RASSF5: variants seen among roughly 807,000 people sequenced by gnomAD.
The protein encoded by RASSF5 is ras association domain-containing protein 5.
Under a neutral mutation model 40.5 loss-of-function variants are expected in RASSF5, and 25 were observed. That is an observed-to-expected ratio of 0.62 (90% confidence interval 0.45 to 0.86). RASSF5 has a LOEUF of 0.86. Ranked by LOEUF, RASSF5 falls within the 40% of genes least tolerant of loss-of-function variation. RASSF5 has a pLI of 0.00. For missense variants in RASSF5, 521 were observed against 572.8 expected (o/e 0.91, Z 0.92); for synonymous variants, 246 against 252.4 (o/e 0.97, Z 0.24).
At chr1:206,576,419 C>T (rs1301838018) in intron 2 of RASSF5, among the ~76,000 whole-genome samples, 7 of 152,280 alleles carry the variant, frequency 4.6e-5, no homozygotes, top group African/African-American at 1.7e-4. Context: ...CTCCTCATTG[C>T]AGAATGGAGT....
chr1:206,568,709 G>A (rs924081404), intron 2 of RASSF5, among the ~76,000 whole-genome samples: 5 of 152,180 alleles, frequency 3.3e-5, no homozygotes, highest in Non-Finnish European at 5.9e-5. Flanking sequence ...CTATAAACTG[G>A]ACTCCTAAAG....
At chr1:206,518,267 G>A in intron 1 of RASSF5, 1 of 395,998 alleles carries the variant, frequency 2.5e-6, no homozygotes, top group Admixed American at 4.4e-5. Context: ...ACCAGAGCCT[G>A]AGGGTCCAGG....
chr1:206,588,109 G>GCC lies in RASSF5; in HGVS notation c.*1132_*1133dup, dbSNP rs1669197705. The GCC allele has an allele frequency of 6.5e-6, 1 of 152,806 alleles. No homozygotes were observed. Among genetic ancestry groups the GCC allele is most frequent in the Non-Finnish European group, 1.5e-5 (1 of 68,064 alleles). 9.5% of individuals were successfully genotyped at this position (152,806 alleles called of 1,614,324 possible). A position where few individuals can be genotyped will look rare whatever the true frequency, so the allele number is the denominator to read the frequency against. On this transcript the variant is annotated 3_prime_UTR_variant, in exon 6 of 6. Transcript: ENST00000579436. Reference sequence around the variant, plus strand: ...TGCGCTCGGAGAGCCGGTGGGCCTGGCCTCCCCGTCGACCTCAGTGCCTTT... The same window carrying GCC: ...TGCGCTCGGAGAGCCGGTGGGCCTGGCCCCTCCCCGTCGACCTCAGTGCCTTT...
intron 2 of RASSF5, among the ~76,000 whole-genome samples, chr1:206,539,627 G>A (rs1667496806): frequency 6.6e-6 from 1 of 152,164 alleles, no homozygotes; most frequent in Non-Finnish European, 1.5e-5. Flanking sequence ...CACAGACGTT[G>A]GAATAGTAAC....
intron 2 of RASSF5, chr1:206,580,715 G>C (rs1553406117): frequency 1.3e-5 from 2 of 152,288 alleles, no homozygotes; most frequent in Non-Finnish European, 2.9e-5. Context: ...GAGATGGCCA[G>C]AGCTGCTTGC....
chr1:206,516,953 C>T (rs17046987), intron 1 of RASSF5, among the ~76,000 whole-genome samples: 77,095 of 151,898 alleles, frequency 0.51, 19,693 homozygotes, highest in South Asian at 0.66. Context: ...TTTCAGGACC[C>T]GGACTTGCTT....
chr1:206,575,687 A>T (rs992195660), intron 2 of RASSF5, among the ~76,000 whole-genome samples: 3 of 152,310 alleles, frequency 2.0e-5, no homozygotes, highest in Admixed American at 6.5e-5. Flanking sequence ...TTATGTGTAA[A>T]ATCTTAGTCC....
At chr1:206,565,804 A>G (rs1668273550) in intron 2 of RASSF5, among the ~76,000 whole-genome samples, 2 of 152,218 alleles carry the variant, frequency 1.3e-5, no homozygotes, top group Admixed American at 1.3e-4. Context: ...ACAGGCTGCC[A>G]GCAGACACAG....
At chr1:206,509,501 C>A (rs1197731836) in intron 1 of RASSF5, among the ~76,000 whole-genome samples, 1 of 152,212 alleles carries the variant, frequency 6.6e-6, no homozygotes, top group African/African-American at 2.4e-5. Context: ...ACAGTAGAAT[C>A]AAATGCAACT....
At position 206,531,546 on chromosome 1, in the gene RASSF5, G is replaced by A. The variant is rs1042481632; in HGVS notation, c.458-6626G>A. On this transcript the variant is annotated intron_variant, in intron 1 of 5. Coordinates refer to ENST00000579436, the MANE Select transcript of RASSF5 (RefSeq NM_182663.4). The surrounding 1 kb of genome is among the most constrained non-coding windows in gnomAD (Gnocchi z 4.7). ...CCCTGGGATGGTCTGTGCGCAGAGG[G>A]CGCTGGAGACCCTCTCTGGGTGTTC... Among the ~76,000 whole-genome samples, 2 of 152,184 alleles carry A rather than the reference G, an allele frequency of 1.3e-5. No homozygotes were observed. The highest frequency in any genetic ancestry group is 2.9e-5 in the Non-Finnish European group (2 of 68,034).
chr1:206,508,563 G>A (rs187258046), intron 1 of RASSF5, among the ~76,000 whole-genome samples: 85 of 152,268 alleles, frequency 5.6e-4, no homozygotes, highest in African/African-American at 2.0e-3. Context: ...CCTCCAGGGG[G>A]ACGTATTGGG....
At chr1:206,524,072 T>G (rs1354948947) in intron 1 of RASSF5, among the ~76,000 whole-genome samples, 1 of 129,198 alleles carries the variant, frequency 7.7e-6, no homozygotes, top group Admixed American at 8.8e-5. Flanking sequence ...ACATATATAA[T>G]ATATTTTATA....
Position 206,529,274 on chromosome 1 carries a change from C to T in RASSF5, c.458-8898C>T, listed in dbSNP as rs557139813. The stretch of plus-strand genomic sequence containing the variant: ...TGGCCCAGGCTGAGAAGAGAGCTGC[C>T]GGCAAAGGGGACGTCCCCACTAAGA... On this transcript the variant is annotated intron_variant, in intron 1 of 5. Transcript: ENST00000579436. 261 of 976,800 alleles carry T rather than the reference C, an allele frequency of 2.7e-4. No individual in the cohort carries two copies. The African/African-American group carries it at 3.5e-3, about 13-fold the overall frequency. The allele number at this position is 976,800 out of a possible 1,614,324, so 60.5% of individuals were successfully genotyped here.
At position 206,584,617 on chromosome 1, in the gene RASSF5, G is replaced by A. The variant is rs782249472; in HGVS notation, c.921G>A (p.Lys307=). ...TVSEVIQGLL[K]KFMVVDNPQK... ...GTGAGGTCATCCAGGGGCTGCTCAA[G>A]AAGTTCATGGTTGTGGACAATCCCC... is the stretch of plus-strand genomic sequence containing the variant. Residue 307 remains lysine, a synonymous_variant, in exon 4 of 6, where the codon AAG becomes AAA. Transcript: ENST00000579436. The surrounding 1 kb of genome is among the most constrained non-coding windows in gnomAD (Gnocchi z 4.9). 6.2e-7 allele frequency: 1 copy of A among 1,614,210 alleles called. No individual in the cohort carries two copies. Among genetic ancestry groups the A allele is most frequent in the East Asian group, 2.2e-5 (1 of 44,864 alleles).
At position 206,552,038 on chromosome 1, in the gene RASSF5, G is replaced by A. The variant is rs1416393625; in HGVS notation, c.579+13745G>A. ...CCCTGACATGAGTTCTTGAGGGTGT[G>A]GACAACTGGGGTAACTCAGCTATCT... On this transcript the variant is annotated intron_variant, in intron 2 of 5. Coordinates refer to ENST00000579436, the MANE Select transcript of RASSF5 (RefSeq NM_182663.4). The surrounding 1 kb of genome is among the most constrained non-coding windows in gnomAD (Gnocchi z 4.1). 6.6e-6 allele frequency among the ~76,000 whole-genome samples: 1 copy of A among 152,230 alleles called. No homozygotes were observed. Among genetic ancestry groups the A allele is most frequent in the Admixed American group, 6.5e-5 (1 of 15,286 alleles).
rs149864919 is a variant in RASSF5 at position 206,546,689 on chromosome 1, C to T, written c.579+8396C>T. 2.2e-4 allele frequency among the ~76,000 whole-genome samples: 34 copies of T among 152,330 alleles called. No homozygotes were observed. In the East Asian group the frequency reaches 3.1e-3, roughly 14 times the overall value. On this transcript the variant is annotated intron_variant, in intron 2 of 5. Coordinates refer to ENST00000579436, the MANE Select transcript of RASSF5 (RefSeq NM_182663.4). ...CATTTAATACACCTAACCTACCAAACAACATGGCTTACCCTAGCCTATCTT... is the reference window on the plus strand; with the variant it reads ...CATTTAATACACCTAACCTACCAAATAACATGGCTTACCCTAGCCTATCTT...
Position 206,533,360 on chromosome 1 carries a change from C to T in RASSF5, c.458-4812C>T, listed in dbSNP as rs558789590. On this transcript the variant is annotated intron_variant, in intron 1 of 5. Coordinates refer to ENST00000579436, the MANE Select transcript of RASSF5 (RefSeq NM_182663.4). ...TCTGGAGGAGGTTTCCACTAGAAAC[C>T]GCCATCTGTTTGGGCCTAAGGGCTC... is the stretch of plus-strand genomic sequence containing the variant. Among the ~76,000 whole-genome samples, 6 of 152,224 alleles carry T rather than the reference C, an allele frequency of 3.9e-5. No homozygotes were observed. In the East Asian group the frequency reaches 5.8e-4, roughly 15 times the overall value.
rs1669048190 is a variant in RASSF5 at position 206,584,894 on chromosome 1, C to T, written c.988+210C>T. 4.9e-6 allele frequency: 3 copies of T among 607,528 alleles called. No individual in the cohort carries two copies. The South Asian group carries it at 6.0e-5, about 12-fold the overall frequency. 37.6% of individuals were successfully genotyped at this position (607,528 alleles called of 1,614,324 possible). ...TCTGCATGTGACTTCAGGAAAACCA[C>T]ACCCTAGGCTCCCATTTCCTGATCT... On this transcript the variant is annotated intron_variant, in intron 4 of 5. Coordinates refer to ENST00000579436, the MANE Select transcript of RASSF5 (RefSeq NM_182663.4). This position sits in a 1 kb window ranked among gnomAD's most constrained non-coding sequence, Gnocchi z 4.9.
chr1:206,570,077 CCTTTTTTTTT>C (rs1348010144), intron 2 of RASSF5, among the ~76,000 whole-genome samples: 1 of 106,964 alleles, frequency 9.3e-6, no homozygotes, highest in Non-Finnish European at 1.8e-5. Context: ...ATAAAATTTA[CCTTTTTTTTT>C]TTTTTTTTTT....
Sources: gnomAD v4.1 joint callset for allele counts (sites outside exome capture counted in the v4.1 genomes callset) on GRCh38, gnomAD v4.1.1 for gene constraint, Gnocchi (gnomAD v3.1) non-coding constraint, MANE v1.5 for transcripts, NCBI Gene and HGNC (gene_info 2026-07-23, HGNC 2026-07-21) for gene names.